ICAM5: variants seen among roughly 807,000 people sequenced by gnomAD.
The protein encoded by ICAM5 is ICAM-5.
In ICAM5, 38 loss-of-function variants were observed where a neutral mutation model predicts 78.8. The observed-to-expected ratio is 0.48, with a 90% CI of 0.37 to 0.63. The LOEUF is 0.63. ICAM5 is among the 30% of genes least tolerant of loss of function. The probability of loss-of-function intolerance (pLI) is 0.00; values close to 1 mark genes in which losing one functional copy is unlikely to be tolerated. For missense variants in ICAM5, 1,059 were observed against 1,303.0 expected, an observed-to-expected ratio of 0.81 and a Z score of 2.88; for synonymous variants, 544 against 590.9, an observed-to-expected ratio of 0.92 and a Z score of 1.15.
rs1297735818 is a variant in ICAM5, at chr19:10,294,766, G to A, written c.2230+126G>A. ...GGACAGGGAATTCCAGCCTAAACCA[G>A]GGGGTAATGAAAATTCTAGCCAGGC... On this transcript the variant is annotated intron_variant, in intron 9 of 10. Coordinates refer to ENST00000221980, the MANE Select transcript of ICAM5 (RefSeq NM_003259.4). This position sits in a 1 kb window ranked among gnomAD's most constrained non-coding sequence, Gnocchi z 7.7. The A allele has an allele frequency of 2.1e-6, 3 of 1,440,306 alleles. No individual in the cohort carries two copies. The highest frequency in any genetic ancestry group is 2.3e-5 in the East Asian group (1 of 42,630). 89.2% of individuals were successfully genotyped at this position (1,440,306 alleles called of 1,614,324 possible).
At position 10,292,847 on chromosome 19, in the gene ICAM5, C is replaced by G. The variant is rs369916316; in HGVS notation, c.1197C>G (p.Ser399Arg). The change falls in exon 5 of 11, where the codon AGC becomes AGG. Residue 399 changes from serine (S) to arginine (R), a missense_variant. Physicochemically the swap from Ser to Arg is moderately radical, Grantham distance 110. Around this residue, in one of 3 missense-constraint regions of ICAM5, gnomAD observed 815 missense variants for 952.8 expected, o/e 0.86. Transcript: ENST00000221980. Reference protein sequence around the residue: ...VDGETLIKNRSAELRVLYAPR... With the variant: ...VDGETLIKNRRAELRVLYAPR... ...GGGAGACCCTGATCAAGAACAGGAG[C>G]GCAGAGCTTCGTGTCCTATGTGAGT... 8.2e-5 allele frequency: 133 copies of G among 1,612,366 alleles called. No homozygotes were observed. Among genetic ancestry groups the G allele is most frequent in the Non-Finnish European group, 1.1e-4 (132 of 1,179,592 alleles).
In ICAM5 at chr19:10,293,644, G is replaced by A; in HGVS notation, c.1466-54G>A. 6.3e-7 allele frequency: 1 copy of A among 1,592,004 alleles called. No individual in the cohort carries two copies. Among genetic ancestry groups the A allele is most frequent in the Non-Finnish European group, 8.6e-7 (1 of 1,167,202 alleles). ...CCTTGCCGCGCCAAGGAGGGTCTAG[G>A]GACGTCAGATTTGCCCCCAAACCCC... is the stretch of plus-strand genomic sequence containing the variant. On this transcript the variant is annotated intron_variant, in intron 6 of 10. Coordinates refer to ENST00000221980, the MANE Select transcript of ICAM5 (RefSeq NM_003259.4). The surrounding 1 kb of genome is among the most constrained non-coding windows in gnomAD (Gnocchi z 5.0).
Position 10,292,704 on chromosome 19 carries a change from G to A in ICAM5, c.1054G>A (p.Val352Ile). Residue 352 changes from valine to isoleucine, a missense_variant, in exon 5 of 11, where the codon GTC becomes ATC. Val to Ile is a conservative substitution (Grantham distance 29). Transcript: ENST00000221980. The stretch of plus-strand genomic sequence containing the variant: ...CTGCGCAGCTGGGGCCCAAGCTCTG[G>A]TCACACTGGAGGGAGTTCCAGCCGC... ...VTCAAGAQALVTLEGVPAAVP... is the reference protein window; with the variant it reads ...VTCAAGAQALITLEGVPAAVP... The A allele has an allele frequency of 6.2e-7, 1 of 1,612,912 alleles. No homozygotes were observed. The highest frequency in any genetic ancestry group is 1.1e-5 in the South Asian group (1 of 91,060).
Position 10,293,327 on chromosome 19 carries a change from G to A in ICAM5, c.1465+81G>A. 2.7e-6 allele frequency: 4 copies of A among 1,489,390 alleles called. No individual in the cohort carries two copies. The highest frequency in any genetic ancestry group is 3.6e-6 in the Non-Finnish European group (4 of 1,111,530). The allele number at this position is 1,489,390 out of a possible 1,614,324, so 92.3% of individuals were successfully genotyped here. A position where few individuals can be genotyped will look rare whatever the true frequency, so the allele number is the denominator to read the frequency against. ...CAGCCTCCAGGGAAGAGTAGGAGTA[G>A]GGTATGAGGTGTCCCTTTGGGTGAG... is the stretch of plus-strand genomic sequence containing the variant. On this transcript the variant is annotated intron_variant, in intron 6 of 10. Coordinates refer to ENST00000221980, the MANE Select transcript of ICAM5 (RefSeq NM_003259.4). This position sits in a 1 kb window ranked among gnomAD's most constrained non-coding sequence, Gnocchi z 5.0.
chr19:10,291,916 G>A, intron 3 of ICAM5, 107 bp downstream of exon 3: 1 of 1,486,482 alleles, frequency 6.7e-7, no homozygotes, highest in Non-Finnish European at 9.2e-7. Flanking sequence ...ACCCTCGCCG[G>A]CTGAGCTGTT....
chr19:10,296,418 C>G lies in ICAM5; in HGVS notation c.2577C>G (p.Tyr859Ter). 7.7e-7 allele frequency: 1 copy of G among 1,300,608 alleles called. No homozygotes were observed. 80.6% of individuals were successfully genotyped at this position (1,300,608 alleles called of 1,614,324 possible). A position where few individuals can be genotyped will look rare whatever the true frequency, so the allele number is the denominator to read the frequency against. Residue 859 changes from tyrosine to a stop codon, truncating the protein, a stop_gained, in exon 11 of 11, where the codon TAC becomes TAG. Transcript: ENST00000221980. LOFTEE classifies it high-confidence loss of function. ...LLAAGAGLAF[Y>*]VQSTACKKGE... ...CCGCGGGGGCCGGCCTGGCCTTCTACGTGCAGTCCACCGCCTGCAAGAAGG... is the reference window on the plus strand; with the variant it reads ...CCGCGGGGGCCGGCCTGGCCTTCTAGGTGCAGTCCACCGCCTGCAAGAAGG...
intron 4 of ICAM5, 116 bp from the exon 5 acceptor site, chr19:10,292,496 G>A: frequency 7.0e-7 from 1 of 1,430,244 alleles, no homozygotes; most frequent in South Asian, 1.4e-5. Context: ...CTGAGAGGCG[G>A]GGCGCCGTAC....
In ICAM5 at chr19:10,296,533, G is replaced by C; in HGVS notation, c.2692G>C (p.Glu898Gln). The change falls in exon 11 of 11, where the codon GAG becomes CAG. Residue 898 changes from glutamate to glutamine, a missense_variant. By Grantham distance (29) the Glu-to-Gln change is conservative. This residue lies in a region of ICAM5 where 109 missense variants were observed against 120.0 expected (regional missense o/e 0.91). Transcript: ENST00000221980. ...CGGCGCTGGCGGGGCGGCAGGCGCG[G>C]AGGGCGGACCCGAGGCGGCGGGGGG... ...GGGAGGAAGA[E>Q]GGPEAAGGAA... 3.3e-6 allele frequency: 4 copies of C among 1,228,408 alleles called. No homozygotes were observed. Among genetic ancestry groups the C allele is most frequent in the Non-Finnish European group, 4.1e-6 (4 of 976,846 alleles). 76.1% of individuals were successfully genotyped at this position (1,228,408 alleles called of 1,614,324 possible). A position where few individuals can be genotyped will look rare whatever the true frequency, so the allele number is the denominator to read the frequency against.
Position 10,291,685 on chromosome 19 carries a change from C to T in ICAM5, c.549C>T (p.Ala183=). The part of the protein sequence containing the change: ...PPRARGAVLT[A]TVLARREDHG... ...GAGCGCGGGGCGCGGTGCTCACAGC[C>T]ACGGTACTGGCTCGGAGGGAGGACC... The change falls in exon 3 of 11, where the codon GCC becomes GCT. Residue 183 remains alanine (A), a synonymous_variant. Transcript: ENST00000221980. 1 of 1,612,752 alleles carries T rather than the reference C, an allele frequency of 6.2e-7. No individual in the cohort carries two copies. Among genetic ancestry groups the T allele is most frequent in the Non-Finnish European group, 8.5e-7 (1 of 1,179,948 alleles).
At position 10,294,303 on chromosome 19, in the gene ICAM5, G is replaced by A. The variant is rs1341637526; in HGVS notation, c.1975G>A (p.Val659Ile). The A allele has an allele frequency of 1.9e-6, 3 of 1,612,936 alleles. No individual in the cohort carries two copies. Among genetic ancestry groups the A allele is most frequent in the African/African-American group, 1.3e-5 (1 of 74,878 alleles). The change falls in exon 8 of 11, where the codon GTC becomes ATC. Residue 659 changes from valine to isoleucine, a missense_variant. Val to Ile is a conservative substitution (Grantham distance 29). Transcript: ENST00000221980. The surrounding 1 kb of genome is among the most constrained non-coding windows in gnomAD (Gnocchi z 7.7). ...CCACGGCTCCGTGGCCAAAACAGTC[G>A]TCGTGAGCGCGGAGTGTGAGCGAGG... Reference protein sequence around the residue: ...NRHGSVAKTVVVSAESPPEMD... With the variant: ...NRHGSVAKTVIVSAESPPEMD...
At position 10,291,299 on chromosome 19, in the gene ICAM5, G is replaced by A. The variant is rs1279778599; in HGVS notation, c.310G>A (p.Ala104Thr). 6.2e-7 allele frequency: 1 copy of A among 1,612,412 alleles called. No individual in the cohort carries two copies. Among genetic ancestry groups the A allele is most frequent in the South Asian group, 1.1e-5 (1 of 91,056 alleles). Residue 104 changes from alanine (A) to threonine (T), a missense_variant, in exon 2 of 11, where the codon GCG becomes ACG. Around this residue, in one of 3 missense-constraint regions of ICAM5, gnomAD observed 815 missense variants for 952.8 expected, o/e 0.86. Transcript: ENST00000221980. ...ETQPVCFFRCARRTLQARGLI... is the reference protein window; with the variant it reads ...ETQPVCFFRCTRRTLQARGLI... ...TCAGCCCGTCTGCTTCTTCCGCTGC[G>A]CGCGGCGCACACTACAGGCGCGTGG...
chr19:10,294,401 C>T lies in ICAM5; in HGVS notation c.1991C>T (p.Ser664Leu), dbSNP rs1255793517. The T allele has an allele frequency of 6.2e-7, 1 of 1,612,690 alleles. No homozygotes were observed. Among genetic ancestry groups the T allele is most frequent in the Non-Finnish European group, 8.5e-7 (1 of 1,179,724 alleles). The part of the protein sequence containing the change: ...VAKTVVVSAE[S>L]PPEMDESTCP... ...GACATCCCCCATGGCTGCTTTGCAG[C>T]GCCACCGGAGATGGATGAATCTACC... Residue 664 changes from serine (S) to leucine (L), a missense_variant and splice_region_variant, in exon 9 of 11, where the codon TCG (serine) becomes TTG (leucine). Ser to Leu is a moderately radical substitution (Grantham distance 145). This residue lies in a region of ICAM5 where 815 missense variants were observed against 952.8 expected (regional missense o/e 0.86). Transcript: ENST00000221980. This position sits in a 1 kb window ranked among gnomAD's most constrained non-coding sequence, Gnocchi z 7.7.
chr19:10,294,060 C>G lies in ICAM5; in HGVS notation c.1732C>G (p.Pro578Ala). The change falls in exon 8 of 11, where the codon CCG becomes GCG. Residue 578 changes from proline to alanine, a missense_variant. Pro to Ala is a conservative substitution (Grantham distance 27). Coordinates refer to ENST00000221980, the MANE Select transcript of ICAM5 (RefSeq NM_003259.4). This position sits in a 1 kb window ranked among gnomAD's most constrained non-coding sequence, Gnocchi z 7.7. The stretch of plus-strand genomic sequence containing the variant: ...CCCAGATGGCCCCAGGTTTGAGGAG[C>G]CGAGCTGCCCCAGCAATTGGACATG... ...TVEYGPRFEE[P>A]SCPSNWTWVE... The G allele has an allele frequency of 6.3e-7, 1 of 1,579,176 alleles. No individual in the cohort carries two copies. Among genetic ancestry groups the G allele is most frequent in the Non-Finnish European group, 8.6e-7 (1 of 1,161,330 alleles).
intron 10 of ICAM5, 140 bp downstream of exon 10, chr19:10,295,752 C>A: frequency 9.7e-7 from 1 of 1,027,232 alleles, no homozygotes; most frequent in Non-Finnish European, 1.4e-6. Context: ...GTCAAAGGTG[C>A]CTTAGCGGGT....
At chr19:10,295,241 A>T in intron 9 of ICAM5, 105 bp from the exon 10 acceptor site, 1 of 1,303,392 alleles carries the variant, frequency 7.7e-7, no homozygotes, top group Non-Finnish European at 1.0e-6. Context: ...TCTTCTGCCC[A>T]TCAGAGGCGC....
rs775835159 is a variant in ICAM5 at position 10,291,292 on chromosome 19, C to G, written c.303C>G (p.Phe101Leu). 1 of 1,612,490 alleles carries G rather than the reference C, an allele frequency of 6.2e-7. No individual in the cohort carries two copies. Among genetic ancestry groups the G allele is most frequent in the Admixed American group, 1.7e-5 (1 of 60,020 alleles). Residue 101 changes from phenylalanine (F) to leucine (L), a missense_variant, in exon 2 of 11, where the codon TTC becomes TTG. Phe to Leu is a conservative substitution (Grantham distance 22). Coordinates refer to ENST00000221980, the MANE Select transcript of ICAM5 (RefSeq NM_003259.4). Reference sequence around the variant, plus strand: ...CGGAGACTCAGCCCGTCTGCTTCTTCCGCTGCGCGCGGCGCACACTACAGG... The same window carrying G: ...CGGAGACTCAGCCCGTCTGCTTCTTGCGCTGCGCGCGGCGCACACTACAGG... ...REPETQPVCF[F>L]RCARRTLQAR...
At chr19:10,295,644 G>T (rs1297640766) in intron 10 of ICAM5, 32 bp downstream of exon 10, 5 of 1,524,222 alleles carry the variant, frequency 3.3e-6, no homozygotes, top group Non-Finnish European at 4.4e-6. Flanking sequence ...GCGGGGCGAG[G>T]TATCTGAGAG....
rs1318234855 is a variant in ICAM5 at position 10,293,254 on chromosome 19, G to A, written c.1465+8G>A. 7 of 1,565,878 alleles carry A rather than the reference G, an allele frequency of 4.5e-6. No homozygotes were observed. The highest frequency in any genetic ancestry group is 5.2e-6 in the Non-Finnish European group (6 of 1,155,254). ...TAACGCTAACGGTGGAGTGTGAGTG[G>A]GGGTGCGCAGGGTGCATTTCTATCT... On this transcript the variant is annotated splice_region_variant and intron_variant, in intron 6 of 10. Transcript: ENST00000221980. The surrounding 1 kb of genome is among the most constrained non-coding windows in gnomAD (Gnocchi z 5.0).
chr19:10,292,017 T>C lies in ICAM5; in HGVS notation c.674-18T>C, dbSNP rs560113411. 5 of 1,607,812 alleles carry C rather than the reference T, an allele frequency of 3.1e-6. No homozygotes were observed. The South Asian group carries it at 5.5e-5, about 18-fold the overall frequency. On this transcript the variant is annotated intron_variant, in intron 3 of 10. Coordinates refer to ENST00000221980, the MANE Select transcript of ICAM5 (RefSeq NM_003259.4). The stretch of plus-strand genomic sequence containing the variant: ...TGAGCGCTCGGAGTTAGTTCAAACT[T>C]GGTTCTTCGACCCCTAGCCCTGTCT...
Sources: gnomAD v4.1 joint callset for allele counts on GRCh38, gnomAD v4.1.1 for gene constraint, gnomAD v4.1.1 regional missense constraint, Gnocchi (gnomAD v3.1) non-coding constraint, MANE v1.5 for transcripts, NCBI Gene and HGNC (gene_info 2026-07-23, HGNC 2026-07-21) for gene names.